MBD5: variants seen among roughly 807,000 people sequenced by gnomAD.
MBD5 encodes methyl-CpG binding domain protein 5.
MBD5 carries 13 observed loss-of-function variants against 117.3 expected under a neutral mutation model. That is an observed-to-expected ratio of 0.11 (90% confidence interval 0.07 to 0.18). The LOEUF (loss-of-function observed/expected upper bound fraction) is 0.18, where lower values mean the gene tolerates loss of function less well. MBD5 is among the 10% of genes least tolerant of loss of function. MBD5 has a pLI of 1.00. For missense variants in MBD5, 1,879 were observed against 2,093.8 expected (o/e 0.90, Z 2.00); for synonymous variants, 727 against 766.4 (o/e 0.95, Z 0.85).
chr2:148,412,529 A>C (rs970792703), intron 4 of MBD5, among the ~76,000 whole-genome samples: 2 of 152,054 alleles, frequency 1.3e-5, no homozygotes, highest in Admixed American at 6.6e-5. Flanking sequence ...ATAGCATTGA[A>C]TCTGTAAACT....
intron 12 of MBD5, among the ~76,000 whole-genome samples, chr2:148,509,709 A>G (rs1682157852): frequency 6.6e-6 from 1 of 152,208 alleles, no homozygotes; most frequent in Non-Finnish European, 1.5e-5. Flanking sequence ...ACAAGAAGCA[A>G]CACAGGGCCG....
intron 1 of MBD5, among the ~76,000 whole-genome samples, chr2:148,135,087 G>A (rs535016050): frequency 1.3e-5 from 2 of 152,218 alleles, no homozygotes; most frequent in East Asian, 3.9e-4. Context: ...CCAGTTTCAG[G>A]TATTGAAGAT....
intron 4 of MBD5, among the ~76,000 whole-genome samples, chr2:148,422,653 T>A (rs772411948): frequency 6.6e-5 from 10 of 152,162 alleles, no homozygotes; most frequent in Non-Finnish European, 1.2e-4. Flanking sequence ...AAGGAGTGTG[T>A]TCTAACCCAA....
At chr2:148,097,828 C>G (rs1696108019) in intron 1 of MBD5, among the ~76,000 whole-genome samples, 2 of 152,134 alleles carry the variant, frequency 1.3e-5, no homozygotes, top group Non-Finnish European at 2.9e-5. Context: ...AGGTAGTTGG[C>G]TAGAGCAGGA....
chr2:148,157,594 A>G (rs1295941208), intron 1 of MBD5, among the ~76,000 whole-genome samples: 3 of 152,196 alleles, frequency 2.0e-5, no homozygotes, highest in Admixed American at 6.5e-5. Flanking sequence ...CATAGATAAC[A>G]TCTCAGAATT....
chr2:148,463,278 A>G (rs1161545691), intron 6 of MBD5, among the ~76,000 whole-genome samples: 1 of 152,198 alleles, frequency 6.6e-6, no homozygotes, highest in Non-Finnish European at 1.5e-5. Flanking sequence ...AAAAAGATTA[A>G]CATAATAAAT....
chr2:148,418,990 C>T (rs917279819), intron 4 of MBD5, among the ~76,000 whole-genome samples: 1 of 152,052 alleles, frequency 6.6e-6, no homozygotes. Flanking sequence ...TTATACAAGG[C>T]TATAGTAACC....
intron 1 of MBD5, among the ~76,000 whole-genome samples, chr2:148,038,176 G>A (rs1694249065): frequency 6.6e-6 from 1 of 152,008 alleles, no homozygotes; most frequent in South Asian, 2.1e-4. Flanking sequence ...AGAAAGTCAG[G>A]CAGGATGCCT....
intron 3 of MBD5, among the ~76,000 whole-genome samples, chr2:148,258,530 C>G (rs749024629): frequency 1.3e-5 from 2 of 152,136 alleles, no homozygotes; most frequent in African/African-American, 4.8e-5. Flanking sequence ...TCCCCCCAAA[C>G]TGGGCATCCC....
chr2:148,234,201 A>T (rs1477678664), intron 3 of MBD5, among the ~76,000 whole-genome samples: 1 of 152,190 alleles, frequency 6.6e-6, no homozygotes, highest in African/African-American at 2.4e-5. Flanking sequence ...TAAAATTTTA[A>T]GTAGAATTCA....
At chr2:148,160,024 A>C (rs536844705) in intron 1 of MBD5, among the ~76,000 whole-genome samples, 1 of 152,212 alleles carries the variant, frequency 6.6e-6, no homozygotes, top group Admixed American at 6.5e-5. Flanking sequence ...TGTGATGCAC[A>C]CTGGCTCTCA....
At chr2:148,035,927 TATAGTG>T (rs1186388053) in intron 1 of MBD5, among the ~76,000 whole-genome samples, 1 of 152,214 alleles carries the variant, frequency 6.6e-6, no homozygotes, top group African/African-American at 2.4e-5. Context: ...TATTAACTGT[TATAGTG>T]ATTATATGTG....
chr2:148,353,952 G>T (rs62183967), intron 4 of MBD5, among the ~76,000 whole-genome samples: 2 of 151,602 alleles, frequency 1.3e-5, no homozygotes, highest in Non-Finnish European at 2.9e-5. Context: ...TGTCCCATTC[G>T]CTATAGATAC....
intron 3 of MBD5, among the ~76,000 whole-genome samples, chr2:148,287,490 G>T (rs895135215): frequency 6.6e-6 from 1 of 152,156 alleles, no homozygotes; most frequent in African/African-American, 2.4e-5. Context: ...TTTTGATTCG[G>T]TAATGAATAT....
At chr2:148,407,645 C>A (rs1444081406) in intron 4 of MBD5, among the ~76,000 whole-genome samples, 3 of 151,982 alleles carry the variant, frequency 2.0e-5, no homozygotes, top group African/African-American at 7.3e-5. Context: ...GGTGTTCATA[C>A]CTGAAACACT....
rs1053676131 is a variant in MBD5 at position 148,288,334 on chromosome 2, A to G, written c.-679-53880A>G. On this transcript the variant is annotated intron_variant, in intron 3 of 13. Transcript: ENST00000642680. ...AGAATGGCGTGAACCCGGGAGGCGG[A>G]GCTTGCAGTGAGCTGAGATCCCGCC... is the stretch of plus-strand genomic sequence containing the variant. Among the ~76,000 whole-genome samples, 12 of 102,192 alleles carry G rather than the reference A, an allele frequency of 1.2e-4. 1 individual carries two copies. The highest frequency in any genetic ancestry group is 7.1e-4 in the Admixed American group (7 of 9,806). The allele number at this position is 102,192 out of a possible 152,430, so 67.0% of individuals were successfully genotyped here.
intron 4 of MBD5, among the ~76,000 whole-genome samples, chr2:148,445,298 C>T (rs13017424): frequency 0.22 from 32,884 of 150,668 alleles, 4,526 homozygotes; most frequent in Admixed American, 0.33. Flanking sequence ...CCCCCCACCC[C>T]ATGACAGGCC....
intron 6 of MBD5, 106 bp downstream of exon 6, chr2:148,462,790 C>A: frequency 1.4e-6 from 1 of 740,062 alleles, no homozygotes; most frequent in Non-Finnish European, 2.3e-6. Flanking sequence ...TCCAATCATA[C>A]ATTTTAATTC....
intron 1 of MBD5, among the ~76,000 whole-genome samples, chr2:148,093,842 T>A (rs1306976460): frequency 6.6e-6 from 1 of 152,192 alleles, no homozygotes; most frequent in Non-Finnish European, 1.5e-5. Flanking sequence ...TGTTTTGAGA[T>A]GACGAATCTA....
Sources: allele counts gnomAD v4.1 joint callset (sites outside exome capture counted in the v4.1 genomes callset), GRCh38; gene constraint gnomAD v4.1.1; transcripts MANE v1.5; gene names NCBI Gene and HGNC (gene_info 2026-07-23, HGNC 2026-07-21).